ATXN1: variants seen among roughly 807,000 people sequenced by gnomAD.
ATXN1 encodes the protein ataxin 1, also known as ataxin-1.
ATXN1 carries 8 observed loss-of-function variants against 56.4 expected under a neutral mutation model. The observed-to-expected ratio is 0.14, with a 90% confidence interval of 0.08 to 0.26. The LOEUF (loss-of-function observed/expected upper bound fraction) is 0.26. Among genes scored for constraint, ATXN1 ranks in the 10% least tolerant of loss-of-function variants. The pLI, the probability that ATXN1 is intolerant of heterozygous loss-of-function variation, is 1.00. For missense variants in ATXN1, 987 were observed against 1,106.5 expected, an observed-to-expected ratio of 0.89 and a Z score of 1.53; for synonymous variants, 514 against 494.6, an observed-to-expected ratio of 1.04 and a Z score of -0.52.
At chr6:16,543,632 TAAAAAAA>T (rs566914364) in intron 4 of ATXN1, among the ~76,000 whole-genome samples, 14 of 106,404 alleles carry the variant, frequency 1.3e-4, no homozygotes, top group African/African-American at 5.0e-4. Context: ...GCTATTTTCC[TAAAAAAA>T]AAAAAAAAAA....
chr6:16,558,118 A>G lies in ATXN1; in HGVS notation c.-361+27662T>C, dbSNP rs149418089. Reference sequence around the variant, plus strand: ...TGATGATGATTGTATAATTCTATGAATAGATTAAAAACCCATTTATTAAAA... The same window carrying G: ...TGATGATGATTGTATAATTCTATGAGTAGATTAAAAACCCATTTATTAAAA... On this transcript the variant is annotated intron_variant, in intron 4 of 7. Transcript: ENST00000436367. Among the ~76,000 whole-genome samples, 569 of 152,110 alleles carry G rather than the reference A, an allele frequency of 3.7e-3. 3 individuals are homozygous for G. Among genetic ancestry groups the G allele is most frequent in the African/African-American group, 0.013 (532 of 41,532 alleles).
intron 6 of ATXN1, among the ~76,000 whole-genome samples, chr6:16,347,294 C>G (rs9367912): frequency 5.9e-5 from 9 of 152,350 alleles, no homozygotes; most frequent in African/African-American, 2.2e-4. Flanking sequence ...GCCAGCTGGG[C>G]TCCTGAGTCT....
intron 4 of ATXN1, among the ~76,000 whole-genome samples, chr6:16,526,030 T>C (rs1316149179): frequency 7.3e-6 from 1 of 136,728 alleles, no homozygotes; most frequent in Non-Finnish European, 1.5e-5. Context: ...CACATACATA[T>C]AGAAATAAAT....
At chr6:16,530,321 A>G (rs906578814) in intron 4 of ATXN1, among the ~76,000 whole-genome samples, 1 of 152,236 alleles carries the variant, frequency 6.6e-6, no homozygotes, top group Non-Finnish European at 1.5e-5. Context: ...ACTGATTGCT[A>G]TATTTCAGGG....
chr6:16,535,827 C>A (rs139611918), intron 4 of ATXN1, among the ~76,000 whole-genome samples: 4 of 152,214 alleles, frequency 2.6e-5, no homozygotes, highest in Non-Finnish European at 5.9e-5. Flanking sequence ...GATCAACAGC[C>A]CATGATAGGT....
intron 4 of ATXN1, among the ~76,000 whole-genome samples, chr6:16,546,016 C>T (rs1245491604): frequency 6.6e-6 from 1 of 152,160 alleles, no homozygotes; most frequent in Admixed American, 6.5e-5. Context: ...ACATTAGGAA[C>T]AGACCAAAGC....
intron 3 of ATXN1, chr6:16,652,708 G>C (rs1369159674): frequency 6.6e-6 from 1 of 152,186 alleles, no homozygotes; most frequent in Non-Finnish European, 1.5e-5. Context: ...GCTCCCATCA[G>C]ATGGAAAGAA....
At chr6:16,557,326 CAAAAAAAAA>C (rs10551173) in intron 4 of ATXN1, among the ~76,000 whole-genome samples, 4 of 87,754 alleles carry the variant, frequency 4.6e-5, no homozygotes, top group African/African-American at 8.0e-5. Context: ...AACCCCATTT[CAAAAAAAAA>C]AAAAAAAAAA....
chr6:16,525,123 A>G (rs1005127240), intron 4 of ATXN1, among the ~76,000 whole-genome samples: 2 of 152,192 alleles, frequency 1.3e-5, no homozygotes, highest in Non-Finnish European at 2.9e-5. Flanking sequence ...ACCCCTCACA[A>G]GTAAATGAGA....
intron 6 of ATXN1, among the ~76,000 whole-genome samples, chr6:16,458,224 C>T (rs1299415136): frequency 6.6e-6 from 1 of 152,210 alleles, no homozygotes; most frequent in South Asian, 2.1e-4. Flanking sequence ...CCCACTGGGA[C>T]CTAGACTCAG....
intron 1 of ATXN1, among the ~76,000 whole-genome samples, chr6:16,758,215 T>C (rs1760946034): frequency 6.6e-6 from 1 of 152,214 alleles, no homozygotes; most frequent in Admixed American, 6.5e-5. Context: ...TTCCCCTGAG[T>C]AAACCCTTTA....
In ATXN1 at chr6:16,300,563, A is replaced by G. The variant is rs1009990123; in HGVS notation, c.*5766T>C. On this transcript the variant is annotated 3_prime_UTR_variant, in exon 8 of 8. Transcript: ENST00000436367. ...TCCGTATTTATTCTGGCCTCTTTAT[A>G]TTAAATAAAAATCAAAATAAAACTA... The G allele has an allele frequency of 6.6e-6, 1 of 152,282 alleles. No individual in the cohort carries two copies. The highest frequency in any genetic ancestry group is 1.5e-5 in the Non-Finnish European group (1 of 68,028). 9.4% of individuals were successfully genotyped at this position (152,282 alleles called of 1,614,324 possible).
At chr6:16,435,316 A>G (rs1759367235) in intron 6 of ATXN1, among the ~76,000 whole-genome samples, 1 of 152,152 alleles carries the variant, frequency 6.6e-6, no homozygotes, top group Non-Finnish European at 1.5e-5. Context: ...TCATGGATCC[A>G]TCAAGGCACT....
chr6:16,433,873 C>A (rs543838735), intron 6 of ATXN1, among the ~76,000 whole-genome samples: 1 of 152,346 alleles, frequency 6.6e-6, no homozygotes, highest in Non-Finnish European at 1.5e-5. Context: ...GCCGCTACCT[C>A]CTCACCTGCC....
chr6:16,584,392 T>C (rs927581680), intron 4 of ATXN1, among the ~76,000 whole-genome samples: 2 of 151,830 alleles, frequency 1.3e-5, no homozygotes, highest in Admixed American at 6.6e-5. Context: ...AAATACCTTT[T>C]TGCTCTTTTT....
intron 2 of ATXN1, among the ~76,000 whole-genome samples, chr6:16,707,305 G>GA (rs1288048437): frequency 2.0e-5 from 3 of 152,078 alleles, no homozygotes; most frequent in Non-Finnish European, 1.5e-5. Context: ...AATAGGGTAG[G>GA]AAAAAATAAA....
At chr6:16,332,018 T>C (rs1761004521) in intron 6 of ATXN1, among the ~76,000 whole-genome samples, 1 of 152,258 alleles carries the variant, frequency 6.6e-6, no homozygotes, top group African/African-American at 2.4e-5. Flanking sequence ...AACTTATCCA[T>C]TGATAAACAG....
chr6:16,564,427 C>G (rs556885026), intron 4 of ATXN1, among the ~76,000 whole-genome samples: 1 of 152,266 alleles, frequency 6.6e-6, no homozygotes, highest in Admixed American at 6.5e-5. Context: ...CAGCACTGTT[C>G]ATAATAGTGA....
At chr6:16,593,840 C>T (rs527568095) in intron 3 of ATXN1, among the ~76,000 whole-genome samples, 15 of 97,850 alleles carry the variant, frequency 1.5e-4, no homozygotes, top group African/African-American at 5.1e-4. Flanking sequence ...TATGTATGTA[C>T]GTGTATATGT....
Sources: gnomAD v4.1 joint callset for allele counts (sites outside exome capture counted in the v4.1 genomes callset) on GRCh38, gnomAD v4.1.1 for gene constraint, MANE v1.5 for transcripts, NCBI Gene and HGNC (gene_info 2026-07-23, HGNC 2026-07-21) for gene names.